The following TTC8 variants were observed in gnomAD, a reference collection of about 807,000 sequenced individuals.
The protein encoded by TTC8 is tetratricopeptide repeat protein 8.
A neutral mutation model predicts 72.5 loss-of-function variants in TTC8; 47 were observed. The observed-to-expected ratio is 0.65, with a 90% CI of 0.51 to 0.83. The LOEUF is 0.83. TTC8 is among the 40% of genes least tolerant of loss of function. The pLI is 0.00. For synonymous variants in TTC8, 199 were observed against 221.4 expected (o/e 0.90, Z 0.90); for missense variants, 611 against 623.2 (o/e 0.98, Z 0.21).
At chr14:88,870,931 A>G (rs897132513) in intron 11 of TTC8, among the ~76,000 whole-genome samples, 3 of 152,118 alleles carry the variant, frequency 2.0e-5, no homozygotes, top group African/African-American at 7.2e-5. Context: ...GCTGGGCTGG[A>G]TTTTCATTTG....
chr14:88,839,930 A>G (rs1049286353), intron 3 of TTC8, among the ~76,000 whole-genome samples: 8 of 152,244 alleles, frequency 5.3e-5, no homozygotes, highest in Non-Finnish European at 8.8e-5. Flanking sequence ...TACTTGTCTA[A>G]TATATCAGAA....
At chr14:88,867,291 A>C (rs2094914471) in intron 10 of TTC8, among the ~76,000 whole-genome samples, 1 of 152,224 alleles carries the variant, frequency 6.6e-6, no homozygotes, top group Non-Finnish European at 1.5e-5. Flanking sequence ...TTGAACAAAA[A>C]GGGACTGGTT....
chr14:88,859,901 A>AAATATATTATATATTATATAAT (rs1566850405), intron 9 of TTC8, among the ~76,000 whole-genome samples: 1 of 117,200 alleles, frequency 8.5e-6, no homozygotes, highest in African/African-American at 5.1e-5. Context: ...TATATAATAT[A>AAATATATTATATATTATATAAT]ATATAAATAT....
At chr14:88,863,870 A>T (rs1595977282) in intron 10 of TTC8, among the ~76,000 whole-genome samples, 1 of 152,342 alleles carries the variant, frequency 6.6e-6, no homozygotes, top group Non-Finnish European at 1.5e-5. Context: ...GATCTTGTTC[A>T]TAGGTCCTCT....
chr14:88,834,999 T>C (rs1279664903), intron 2 of TTC8, among the ~76,000 whole-genome samples: 1 of 152,200 alleles, frequency 6.6e-6, no homozygotes, highest in Non-Finnish European at 1.5e-5. Context: ...GCCTTACTAT[T>C]TCCACTTTTG....
intron 7 of TTC8, among the ~76,000 whole-genome samples, chr14:88,849,395 C>T (rs1201580162): frequency 2.6e-5 from 4 of 151,964 alleles, no homozygotes; most frequent in African/African-American, 9.7e-5. Flanking sequence ...GTAACTTTAG[C>T]TGGAAAAAGA....
chr14:88,860,984 T>C (rs1278430296), intron 9 of TTC8, among the ~76,000 whole-genome samples: 1 of 151,902 alleles, frequency 6.6e-6, no homozygotes, highest in East Asian at 1.9e-4. Flanking sequence ...TTGTATTTTT[T>C]GTAGAGATGG....
At chr14:88,841,634 G>A (rs1415860714) in intron 6 of TTC8, 120 bp downstream of exon 6, 2 of 858,522 alleles carry the variant, frequency 2.3e-6, no homozygotes, top group Admixed American at 2.0e-5. Flanking sequence ...AAGTGGAAAT[G>A]TTTTATATGT....
intron 7 of TTC8, among the ~76,000 whole-genome samples, chr14:88,847,737 A>G (rs1343744674): frequency 6.6e-6 from 1 of 152,192 alleles, no homozygotes; most frequent in African/African-American, 2.4e-5. Context: ...TATCTAGTGG[A>G]CAGAAACAAA....
chr14:88,839,152 T>C (rs932618703), intron 2 of TTC8, among the ~76,000 whole-genome samples: 4 of 152,298 alleles, frequency 2.6e-5, no homozygotes, highest in African/African-American at 9.6e-5. Context: ...AATTATTATT[T>C]TAGTAAAATT....
intron 10 of TTC8, among the ~76,000 whole-genome samples, 171 bp downstream of exon 10, chr14:88,861,503 A>G (rs113452816): frequency 4.6e-5 from 7 of 152,260 alleles, no homozygotes; most frequent in African/African-American, 1.2e-4. Flanking sequence ...GAACATTACA[A>G]TTCTTTCCTA....
intron 7 of TTC8, among the ~76,000 whole-genome samples, chr14:88,848,787 A>G (rs895857648): frequency 9.9e-5 from 15 of 152,200 alleles, no homozygotes; most frequent in African/African-American, 3.6e-4. Flanking sequence ...TTAAAGTGGT[A>G]GTATTTTGAG....
At chr14:88,856,136 T>C (rs2094855045) in intron 8 of TTC8, among the ~76,000 whole-genome samples, 2 of 152,200 alleles carry the variant, frequency 1.3e-5, no homozygotes, top group African/African-American at 2.4e-5. Context: ...TATATGTTGG[T>C]TTTCAGAACT....
chr14:88,837,055 C>CG (rs1313913719), intron 2 of TTC8: 3 of 274,050 alleles, frequency 1.1e-5, no homozygotes, highest in African/African-American at 7.0e-5. Flanking sequence ...GAGCAAAACT[C>CG]CATCTCAAAA....
At position 88,877,527 on chromosome 14, in the gene TTC8, G is replaced by A; in HGVS notation, c.*117G>A. The A allele has an allele frequency of 1.2e-6, 1 of 840,124 alleles. No homozygotes were observed. The highest frequency in any genetic ancestry group is 2.0e-6 in the Non-Finnish European group (1 of 488,674). 52.0% of individuals were successfully genotyped at this position (840,124 alleles called of 1,614,324 possible). ...CGTATATTTTAACAAACCTGTCCTT[G>A]ATATTAGTTAAGGTGACACATAAGG... On this transcript the variant is annotated 3_prime_UTR_variant, in exon 15 of 15. Transcript: ENST00000380656.
chr14:88,844,791 A>G (rs947241584), intron 7 of TTC8, among the ~76,000 whole-genome samples: 1 of 151,498 alleles, frequency 6.6e-6, no homozygotes, highest in Non-Finnish European at 1.5e-5. Flanking sequence ...GCCTTAAGTG[A>G]TCCTCCTGCC....
intron 9 of TTC8, among the ~76,000 whole-genome samples, chr14:88,857,586 G>A (rs2094862803): frequency 6.6e-6 from 1 of 152,172 alleles, no homozygotes; most frequent in Admixed American, 6.5e-5. Context: ...ATTTTCTACA[G>A]TACCTTTGTA....
At chr14:88,826,240 G>A (rs1468257232) in intron 1 of TTC8, among the ~76,000 whole-genome samples, 1 of 151,054 alleles carries the variant, frequency 6.6e-6, no homozygotes, top group African/African-American at 2.4e-5. Context: ...CGTCTGCCTC[G>A]GCCTCCCAAA....
chr14:88,824,716 G>C lies in TTC8; in HGVS notation c.9G>C (p.Ser3=). Residue 3 remains serine, a synonymous_variant, in exon 1 of 15, where the codon TCG becomes TCC. Transcript: ENST00000380656. ...TGGCCGCACCGGCAGCCATGAGCTCGGAGATGGAGCCGCTGCTCCTGGCCT... is the reference window on the plus strand; with the variant it reads ...TGGCCGCACCGGCAGCCATGAGCTCCGAGATGGAGCCGCTGCTCCTGGCCT... MS[S]EMEPLLLAWS... The C allele has an allele frequency of 1.9e-6, 3 of 1,608,362 alleles. No individual in the cohort carries two copies. The highest frequency in any genetic ancestry group is 2.5e-6 in the Non-Finnish European group (3 of 1,177,762).
Sources: allele counts gnomAD v4.1 joint callset (sites outside exome capture counted in the v4.1 genomes callset), GRCh38; gene constraint gnomAD v4.1.1; transcripts MANE v1.5; gene names NCBI Gene and HGNC (gene_info 2026-07-23, HGNC 2026-07-21).